RIC1: variants seen among roughly 807,000 people sequenced by gnomAD.
RIC1 encodes guanine nucleotide exchange factor subunit RIC1.
Under a neutral mutation model 169.0 loss-of-function variants are expected in RIC1, and 88 were observed. The ratio of observed to expected loss-of-function variants is 0.52; its 90% CI spans 0.44 to 0.62. The LOEUF (loss-of-function observed/expected upper bound fraction) is 0.62, where lower values mean the gene tolerates loss of function less well. Among genes scored for constraint, RIC1 ranks in the 20% least tolerant of loss-of-function variants. The probability of loss-of-function intolerance (pLI) is 0.00; values close to 1 mark genes in which losing one functional copy is unlikely to be tolerated. For synonymous variants in RIC1, 790 were observed against 601.5 expected (o/e 1.31, Z -4.59); for missense variants, 1,877 against 1,725.5 (o/e 1.09, Z -1.56).
chr9:5,653,584 T>TTTTC (rs139617606), intron 1 of RIC1, among the ~76,000 whole-genome samples: 45,034 of 150,442 alleles, frequency 0.3, 8,429 homozygotes, highest in Non-Finnish European at 0.42. Flanking sequence ...CCATTTATTT[T>TTTTC]TTTCTTTCTT....
At chr9:5,733,459 G>A (rs951936344) in intron 7 of RIC1, among the ~76,000 whole-genome samples, 2 of 151,798 alleles carry the variant, frequency 1.3e-5, no homozygotes, top group Admixed American at 1.3e-4. Flanking sequence ...AGTAGAGCAG[G>A]CATTTCACCG....
intron 2 of RIC1, among the ~76,000 whole-genome samples, chr9:5,666,123 T>G (rs1326121532): frequency 6.6e-6 from 1 of 152,014 alleles, no homozygotes; most frequent in Non-Finnish European, 1.5e-5. Flanking sequence ...TGGGGGTGGC[T>G]CAAGACCCCA....
chr9:5,686,778 A>G (rs1171707684), intron 2 of RIC1, among the ~76,000 whole-genome samples: 2 of 149,876 alleles, frequency 1.3e-5, no homozygotes, highest in East Asian at 3.9e-4. Context: ...AAAGTATAAT[A>G]ATAAAAAAAA....
chr9:5,735,053 A>G (rs1452220380), intron 7 of RIC1, among the ~76,000 whole-genome samples: 1 of 152,166 alleles, frequency 6.6e-6, no homozygotes, highest in Non-Finnish European at 1.5e-5. Context: ...ATCGATCAAG[A>G]TTCATTAATA....
chr9:5,763,565 C>G lies in RIC1; in HGVS notation c.2538C>G (p.Leu846=), dbSNP rs1586711612. The G allele has an allele frequency of 1.4e-5, 22 of 1,614,158 alleles. No homozygotes were observed. Among genetic ancestry groups the G allele is most frequent in the East Asian group, 2.2e-5 (1 of 44,878 alleles). Residue 846 remains leucine, a synonymous_variant, in exon 19 of 26, where the codon CTC becomes CTG. Transcript: ENST00000414202. This position sits in a 1 kb window ranked among gnomAD's most constrained non-coding sequence, Gnocchi z 5.2. The part of the protein sequence containing the change: ...LVRNLGEQAL[L]LAQSCATLPY... ...GAAACCTTGGGGAGCAAGCCTTGCTCTTGGCCCAGTCCTGTGCCACATTAC... is the reference window on the plus strand; with the variant it reads ...GAAACCTTGGGGAGCAAGCCTTGCTGTTGGCCCAGTCCTGTGCCACATTAC...
chr9:5,697,201 G>C (rs1453735705), intron 3 of RIC1, among the ~76,000 whole-genome samples: 1 of 152,200 alleles, frequency 6.6e-6, no homozygotes, highest in Admixed American at 6.5e-5. Flanking sequence ...AGCTGCTTCT[G>C]CTTCTCTGAA....
Position 5,769,222 on chromosome 9 carries a change from C to G in RIC1, c.3390C>G (p.Ile1130Met), listed in dbSNP as rs1827022312. 6.2e-7 allele frequency: 1 copy of G among 1,614,044 alleles called. No homozygotes were observed. Among genetic ancestry groups the G allele is most frequent in the Admixed American group, 1.7e-5 (1 of 59,992 alleles). ...TTCCAATCATCCCAGCCTCTTCTAT[C>G]AGTTCTCCTTTCAAAAATGGAAAAT... ...WPLPIIPASSISSPFKNGKYR... is the reference protein window; with the variant it reads ...WPLPIIPASSMSSPFKNGKYR... The change falls in exon 22 of 26, where the codon ATC (isoleucine) becomes ATG (methionine). Residue 1130 changes from isoleucine to methionine, a missense_variant. This residue lies in a region of RIC1 where 681 missense variants were observed against 582.0 expected (regional missense o/e 1.17). Transcript: ENST00000414202.
intron 2 of RIC1, among the ~76,000 whole-genome samples, chr9:5,658,583 C>G (rs1447290021): frequency 1.3e-5 from 2 of 152,028 alleles, no homozygotes; most frequent in Admixed American, 1.3e-4. Context: ...TGAGAAAATA[C>G]TAATTCAGTA....
At chr9:5,720,437 G>C (rs1823515895) in intron 5 of RIC1, 113 bp downstream of exon 5, 9 of 1,225,822 alleles carry the variant, frequency 7.3e-6, no homozygotes, top group Non-Finnish European at 1.0e-5. Context: ...GGGAGAGGTG[G>C]GCAGAGTATG....
intron 1 of RIC1, among the ~76,000 whole-genome samples, chr9:5,640,400 C>A (rs777557336): frequency 3.3e-5 from 5 of 152,168 alleles, no homozygotes; most frequent in African/African-American, 4.8e-5. Context: ...CTTCATCCCT[C>A]TACACTTTAA....
chr9:5,757,578 T>C, intron 17 of RIC1, 127 bp downstream of exon 17: 2 of 887,022 alleles, frequency 2.3e-6, no homozygotes, highest in Non-Finnish European at 3.4e-6. Flanking sequence ...ATGAGAATGC[T>C]GGGTTGCAGT....
At chr9:5,753,807 C>G (rs1016829527) in intron 14 of RIC1, among the ~76,000 whole-genome samples, 161 bp downstream of exon 14, 9 of 152,050 alleles carry the variant, frequency 5.9e-5, no homozygotes, top group African/African-American at 1.9e-4. Flanking sequence ...AGATTTGATT[C>G]TGATAAAATA....
chr9:5,662,887 T>A (rs1396723953), intron 2 of RIC1, among the ~76,000 whole-genome samples: 1 of 152,100 alleles, frequency 6.6e-6, no homozygotes, highest in African/African-American at 2.4e-5. Flanking sequence ...GCTTTTGGGT[T>A]TGTTCTTGTT....
intron 2 of RIC1, among the ~76,000 whole-genome samples, chr9:5,673,647 G>A (rs150237587): frequency 1.2e-3 from 174 of 150,142 alleles, no homozygotes; most frequent in Non-Finnish European, 2.1e-3. Flanking sequence ...CCATACTTTG[G>A]AATATCACAC....
chr9:5,724,017 G>A (rs1425145815), intron 6 of RIC1, among the ~76,000 whole-genome samples: 1 of 151,990 alleles, frequency 6.6e-6, no homozygotes, highest in Admixed American at 6.6e-5. Context: ...TGTTCTTTTG[G>A]CTTAGGATTG....
At chr9:5,655,768 G>A (rs1198794338) in intron 1 of RIC1, among the ~76,000 whole-genome samples, 1 of 152,018 alleles carries the variant, frequency 6.6e-6, no homozygotes, top group Non-Finnish European at 1.5e-5. Flanking sequence ...ATTTGGTTAT[G>A]GTGTTTAATT....
At chr9:5,696,497 TC>T (rs1821914257) in intron 3 of RIC1, among the ~76,000 whole-genome samples, 1 of 152,096 alleles carries the variant, frequency 6.6e-6, no homozygotes, top group Non-Finnish European at 1.5e-5. Context: ...CCCTCAACTC[TC>T]CTATATCCGC....
At chr9:5,655,445 C>T (rs567488486) in intron 1 of RIC1, among the ~76,000 whole-genome samples, 78 of 152,110 alleles carry the variant, frequency 5.1e-4, no homozygotes, top group Non-Finnish European at 6.9e-4. Flanking sequence ...GCATTATAGG[C>T]GCCTGCCACC....
In RIC1 at chr9:5,757,382, C is replaced by A; in HGVS notation, c.1923C>A (p.Phe641Leu). Residue 641 changes from phenylalanine (F) to leucine (L), a missense_variant, in exon 17 of 26, where the codon TTC becomes TTA. Coordinates refer to ENST00000414202, the MANE Select transcript of RIC1 (RefSeq NM_020829.4). ...TGTCACGCTACATTCCTCACCCTTT[C>A]CTGGTGGTATCTGTCACTCTGACAT... is the stretch of plus-strand genomic sequence containing the variant. Reference protein sequence around the residue: ...VSMSRYIPHPFLVVSVTLTSV... With the variant: ...VSMSRYIPHPLLVVSVTLTSV... 6.2e-7 allele frequency: 1 copy of A among 1,614,066 alleles called. No homozygotes were observed. The highest frequency in any genetic ancestry group is 2.2e-5 in the East Asian group (1 of 44,868).
Sources: allele counts gnomAD v4.1 joint callset (sites outside exome capture counted in the v4.1 genomes callset), GRCh38; gene constraint gnomAD v4.1.1; regional missense constraint gnomAD v4.1.1; non-coding constraint Gnocchi (gnomAD v3.1); transcripts MANE v1.5; gene names NCBI Gene and HGNC (gene_info 2026-07-23, HGNC 2026-07-21).